Variants in THEMIS observed in about 807,000 individuals in gnomAD.
THEMIS encodes the protein thymocyte selection associated.
A neutral mutation model predicts 52.6 loss-of-function variants in THEMIS; 37 were observed. The ratio of observed to expected loss-of-function variants is 0.70; its 90% CI spans 0.54 to 0.93. THEMIS has a LOEUF of 0.93. Among genes scored for constraint, THEMIS ranks in the 40% least tolerant of loss-of-function variants. THEMIS has a pLI of 0.00. For missense variants in THEMIS, 808 were observed against 763.1 expected (o/e 1.06, Z -0.69); for synonymous variants, 292 against 272.7 (o/e 1.07, Z -0.70).
intron 4 of THEMIS, among the ~76,000 whole-genome samples, chr6:127,754,113 C>T (rs1012853204): frequency 3.9e-5 from 6 of 151,952 alleles, no homozygotes; most frequent in Admixed American, 3.3e-4. Flanking sequence ...AAAGAAGTTG[C>T]TTAATATTTA....
chr6:127,880,914 A>G (rs539456374), intron 1 of THEMIS, among the ~76,000 whole-genome samples: 2 of 152,268 alleles, frequency 1.3e-5, no homozygotes, highest in Non-Finnish European at 2.9e-5. Context: ...ATTTAAAGAC[A>G]TTTCATTTCA....
chr6:127,703,035 GTTTTTTTTTT>G, the THEMIS span, among the ~76,000 whole-genome samples: 684 of 82,354 alleles, frequency 8.3e-3, 4 homozygotes, highest in African/African-American at 0.037. Context: ...TTTAGAATGA[GTTTTTTTTTT>G]TTTTTTTTTT....
At chr6:127,876,115 A>G (rs866926863) in intron 1 of THEMIS, among the ~76,000 whole-genome samples, 1 of 152,234 alleles carries the variant, frequency 6.6e-6, no homozygotes, top group Non-Finnish European at 1.5e-5. Flanking sequence ...CAGGCAATAT[A>G]GCATTGTTAT....
intron 4 of THEMIS, among the ~76,000 whole-genome samples, chr6:127,745,425 T>G (rs1562229911): frequency 1.3e-5 from 2 of 151,876 alleles, no homozygotes; most frequent in South Asian, 2.1e-4. Flanking sequence ...TGACATATGA[T>G]GTTTATAAAT....
intron 4 of THEMIS, among the ~76,000 whole-genome samples, chr6:127,802,465 A>G (rs1221527082): frequency 1.3e-5 from 2 of 152,230 alleles, no homozygotes; most frequent in African/African-American, 4.8e-5. Flanking sequence ...CGTAGCTACC[A>G]TAATGGACAG....
At chr6:127,904,932 T>C (rs1456357646), upstream of THEMIS, among the ~76,000 whole-genome samples, 2 of 151,708 alleles carry the variant, frequency 1.3e-5, no homozygotes, top group East Asian at 2.0e-4. Flanking sequence ...GTAGGAAATA[T>C]CTGCTCTCTC....
At chr6:127,798,186 CCT>C (rs1291398770) in intron 4 of THEMIS, among the ~76,000 whole-genome samples, 1 of 152,084 alleles carries the variant, frequency 6.6e-6, no homozygotes, top group Non-Finnish European at 1.5e-5. Context: ...ATTTTATTTT[CCT>C]CTTTCATTTT....
At chr6:127,875,947 T>C (rs1035186576) in intron 1 of THEMIS, among the ~76,000 whole-genome samples, 1 of 152,202 alleles carries the variant, frequency 6.6e-6, no homozygotes, top group Non-Finnish European at 1.5e-5. Context: ...TTAATATTGA[T>C]AGAAAGGGCA....
At chr6:127,889,522 T>C (rs527476431) in intron 1 of THEMIS, among the ~76,000 whole-genome samples, 3 of 152,254 alleles carry the variant, frequency 2.0e-5, no homozygotes, top group Admixed American at 2.0e-4. Flanking sequence ...TTGGGCCACA[T>C]ATTCCAAAGA....
chr6:127,914,898 T>C (rs1411323659), intron 1 of THEMIS, among the ~76,000 whole-genome samples: 1 of 152,322 alleles, frequency 6.6e-6, no homozygotes, highest in East Asian at 1.9e-4. Flanking sequence ...ATATTTTATG[T>C]GTGCCTGCTA....
intron 4 of THEMIS, among the ~76,000 whole-genome samples, chr6:127,739,720 T>C (rs1775131976): frequency 6.6e-6 from 1 of 152,116 alleles, no homozygotes; most frequent in Non-Finnish European, 1.5e-5. Context: ...AACCAGCCAG[T>C]TGGGAGGAGG....
intron 4 of THEMIS, among the ~76,000 whole-genome samples, chr6:127,747,201 T>TCTG (rs1302262571): frequency 1.6e-4 from 22 of 135,768 alleles, no homozygotes; most frequent in African/African-American, 5.3e-4. Context: ...CAGATATCTA[T>TCTG]CATATCTGCA....
the THEMIS span, among the ~76,000 whole-genome samples, chr6:127,697,267 T>C: frequency 6.6e-6 from 1 of 152,172 alleles, no homozygotes; most frequent in Non-Finnish European, 1.5e-5. Context: ...CCCACAACTA[T>C]ATCCATGCCT....
chr6:127,893,945 T>TA (rs1245522330), intron 1 of THEMIS, among the ~76,000 whole-genome samples: 5 of 151,778 alleles, frequency 3.3e-5, no homozygotes, highest in South Asian at 4.2e-4. Flanking sequence ...TAACATTTTC[T>TA]AAAAAAATAG....
At chr6:127,791,172 G>A (rs1777142129) in intron 4 of THEMIS, among the ~76,000 whole-genome samples, 1 of 152,214 alleles carries the variant, frequency 6.6e-6, no homozygotes, top group South Asian at 2.1e-4. Flanking sequence ...GGAAGAATGA[G>A]TTATGCAGAC....
At chr6:127,834,780 A>G (rs925807507) in intron 2 of THEMIS, among the ~76,000 whole-genome samples, 1 of 152,172 alleles carries the variant, frequency 6.6e-6, no homozygotes, top group African/African-American at 2.4e-5. Context: ...ACTCCTTGAA[A>G]GGAGTGACTG....
intron 4 of THEMIS, among the ~76,000 whole-genome samples, chr6:127,766,603 C>T (rs1488094128): frequency 6.6e-6 from 1 of 152,194 alleles, no homozygotes; most frequent in East Asian, 1.9e-4. Flanking sequence ...GTACAGCCTA[C>T]TACACACCTA....
chr6:127,811,330 G>A (rs1290651458), intron 4 of THEMIS, among the ~76,000 whole-genome samples: 1 of 152,170 alleles, frequency 6.6e-6, no homozygotes, highest in Non-Finnish European at 1.5e-5. Context: ...GAGACTCTGG[G>A]AAAGAATCTG....
intron 4 of THEMIS, among the ~76,000 whole-genome samples, chr6:127,808,113 A>G (rs1777781352): frequency 6.6e-6 from 1 of 152,222 alleles, no homozygotes; most frequent in African/African-American, 2.4e-5. Context: ...CAAAGTGGAC[A>G]CTTGGGCATT....
Sources: gnomAD v4.1 joint callset for allele counts (sites outside exome capture counted in the v4.1 genomes callset) on GRCh38, gnomAD v4.1.1 for gene constraint, MANE v1.5 for transcripts, NCBI Gene and HGNC (gene_info 2026-07-23, HGNC 2026-07-21) for gene names.